The following DRAXIN variants were observed in gnomAD, a reference collection of about 807,000 sequenced individuals.
The protein encoded by DRAXIN is dorsal inhibitory axon guidance protein.
DRAXIN carries 27 observed loss-of-function variants against 33.9 expected under a neutral mutation model. The observed-to-expected ratio is 0.80, with a 90% CI of 0.59 to 1.10. The LOEUF is 1.10. DRAXIN is among the 50% of genes least tolerant of loss of function. DRAXIN has a pLI of 0.00. For missense variants in DRAXIN, 371 were observed against 460.8 expected (o/e 0.81, Z 1.78); for synonymous variants, 178 against 194.0 (o/e 0.92, Z 0.69).
intron 1 of DRAXIN, among the ~76,000 whole-genome samples, chr1:11,699,087 AACAG>A (rs1340335594): frequency 6.6e-6 from 1 of 152,168 alleles, no homozygotes; most frequent in African/African-American, 2.4e-5. Context: ...CTGACAGTTG[AACAG>A]ACAGACAGAT....
At chr1:11,709,183 C>T (rs1641435979) in intron 2 of DRAXIN, 92 bp from the exon 3 acceptor site, 13 of 1,320,024 alleles carry the variant, frequency 9.8e-6, no homozygotes, top group Admixed American at 5.5e-5. Flanking sequence ...CCTGCTGCCT[C>T]CTAGTTTGCA....
At chr1:11,702,795 T>C (rs1570310736) in intron 1 of DRAXIN, among the ~76,000 whole-genome samples, 1 of 150,786 alleles carries the variant, frequency 6.6e-6, no homozygotes, top group Middle Eastern at 3.4e-3. Context: ...CAGGTTGGAG[T>C]GCAGAGGCAC....
intron 1 of DRAXIN, among the ~76,000 whole-genome samples, chr1:11,701,991 G>A (rs1170556240): frequency 6.6e-6 from 1 of 151,888 alleles, no homozygotes; most frequent in African/African-American, 2.4e-5. Context: ...TCTTCCCCCA[G>A]CCCCTCCTCC....
At chr1:11,687,458 TC>T (rs1640979404), upstream of DRAXIN, among the ~76,000 whole-genome samples, 1 of 152,216 alleles carries the variant, frequency 6.6e-6, no homozygotes, top group African/African-American at 2.4e-5. The surrounding 1 kb of genome is among the most constrained non-coding windows in gnomAD (Gnocchi z 4.1). Context: ...CAGGCTGGTC[TC>T]GAACTCCTGA....
chr1:11,700,566 A>G (rs1033886999), intron 1 of DRAXIN, among the ~76,000 whole-genome samples: 1 of 152,264 alleles, frequency 6.6e-6, no homozygotes, highest in Non-Finnish European at 1.5e-5. Context: ...AAATAATTTT[A>G]AAAATATATT....
rs1475623291 is a variant in DRAXIN, at chr1:11,701,712, GC to G, written c.-10-4535del. 1.1e-4 allele frequency among the ~76,000 whole-genome samples: 17 copies of G among 152,240 alleles called. No individual in the cohort carries two copies. The South Asian group carries it at 3.5e-3, about 32-fold the overall frequency. ...AGCGCAGGCTTTGTGAGCAACCCGGGCCGGGCAGAACCGCCCCGGGCTGCGG... is the reference window on the plus strand; with the variant it reads ...AGCGCAGGCTTTGTGAGCAACCCGGGCGGGCAGAACCGCCCCGGGCTGCGG... On this transcript the variant is annotated intron_variant, in intron 1 of 6. Transcript: ENST00000294485.
At position 11,715,182 on chromosome 1, in the gene DRAXIN, G is replaced by A. The variant is rs779743814; in HGVS notation, c.911G>A (p.Cys304Tyr). 8 of 1,614,142 alleles carry A rather than the reference G, an allele frequency of 5.0e-6. No individual in the cohort carries two copies. The highest frequency in any genetic ancestry group is 1.7e-5 in the Admixed American group (1 of 60,010). ...CACAACCGAGGCCTCAACAACAAAT[G>A]CTTCGATGACTGCATGTGTGTGGAA... ...TPHNRGLNNKCFDDCMCVEGL... is the reference protein window; with the variant it reads ...TPHNRGLNNKYFDDCMCVEGL... The change falls in exon 6 of 7, where the codon TGC (cysteine) becomes TAC (tyrosine). Residue 304 changes from cysteine (C) to tyrosine (Y), a missense_variant. Physicochemically the swap from Cys to Tyr is radical, Grantham distance 194 (BLOSUM62 -2). Coordinates refer to ENST00000294485, the MANE Select transcript of DRAXIN (RefSeq NM_198545.4).
At chr1:11,690,089 C>G (rs1641033922), upstream of DRAXIN, among the ~76,000 whole-genome samples, 1 of 152,104 alleles carries the variant, frequency 6.6e-6, no homozygotes. The surrounding 1 kb of genome is among the most constrained non-coding windows in gnomAD (Gnocchi z 4.2). Flanking sequence ...TCCCTTCATG[C>G]TTTGTCTGTA....
chr1:11,696,294 C>T lies in DRAXIN; in HGVS notation c.-11+4441C>T, dbSNP rs746528257. Among the ~76,000 whole-genome samples, 3 of 152,184 alleles carry T rather than the reference C, an allele frequency of 2.0e-5. No individual in the cohort carries two copies. Among genetic ancestry groups the T allele is most frequent in the Non-Finnish European group, 4.4e-5 (3 of 68,026 alleles). On this transcript the variant is annotated intron_variant, in intron 1 of 6. Transcript: ENST00000294485. This position sits in a 1 kb window ranked among gnomAD's most constrained non-coding sequence, Gnocchi z 4.7. ...TTCTGTGTCCCATTTACTTTATAAA[C>T]ATTTACTCCCCAGCCGGGTGCGGTG... is the stretch of plus-strand genomic sequence containing the variant.
intron 1 of DRAXIN, among the ~76,000 whole-genome samples, chr1:11,702,747 C>CTT (rs33972819): frequency 0.35 from 51,585 of 145,414 alleles, 9,298 homozygotes; most frequent in Admixed American, 0.44. Context: ...GGTATGAATT[C>CTT]TTTTTTTTTT....
At chr1:11,709,074 G>A (rs1468998195) in intron 2 of DRAXIN, among the ~76,000 whole-genome samples, 1 of 152,236 alleles carries the variant, frequency 6.6e-6, no homozygotes, top group Non-Finnish European at 1.5e-5. Context: ...GACACTGCAA[G>A]TTCTTCCAAG....
In DRAXIN at chr1:11,696,158, C is replaced by A. The variant is rs1641189410; in HGVS notation, c.-11+4305C>A. Among the ~76,000 whole-genome samples the A allele has an allele frequency of 6.6e-6, 1 of 152,318 alleles. No homozygotes were observed. The highest frequency in any genetic ancestry group is 1.9e-4 in the East Asian group (1 of 5,184). Reference sequence around the variant, plus strand: ...GCCTGCCCCTTTGCACACCCAGGCACAGATGCACAAATGCTTCCAGGAAAC... The same window carrying A: ...GCCTGCCCCTTTGCACACCCAGGCAAAGATGCACAAATGCTTCCAGGAAAC... On this transcript the variant is annotated intron_variant, in intron 1 of 6. Coordinates refer to ENST00000294485, the MANE Select transcript of DRAXIN (RefSeq NM_198545.4). This position sits in a 1 kb window ranked among gnomAD's most constrained non-coding sequence, Gnocchi z 4.7.
intron 6 of DRAXIN, among the ~76,000 whole-genome samples, chr1:11,717,734 C>G (rs1486176323): frequency 1.3e-5 from 2 of 149,336 alleles, no homozygotes; most frequent in East Asian, 3.9e-4. Context: ...CCTGTAATCC[C>G]AGCATTTTGG....
In DRAXIN at chr1:11,722,035, T is replaced by C. The variant is rs41275450; in HGVS notation, c.*2339T>C. 0.24 allele frequency: 36,099 copies of C among 152,108 alleles called. 4,331 individuals carry two copies. The highest frequency in any genetic ancestry group is 0.32 in the East Asian group (1,649 of 5,166). The allele number at this position is 152,108 out of a possible 1,614,324, so 9.4% of individuals were successfully genotyped here. ...TACTCAGGAGGCTCAGGCGGGAGAA[T>C]CACTTGAACCCAGGAGGCGGAGGTT... On this transcript the variant is annotated 3_prime_UTR_variant, in exon 7 of 7. Transcript: ENST00000294485.
At chr1:11,691,385 G>A (rs991531311), upstream of DRAXIN, 10 of 151,876 alleles carry the variant, frequency 6.6e-5, no homozygotes, top group Non-Finnish European at 1.5e-4. Context: ...CACGCGCCCT[G>A]GGCCGCGCCG....
At chr1:11,686,807 TAAAAAA>T (rs560855200), upstream of DRAXIN, among the ~76,000 whole-genome samples, 2 of 104,490 alleles carry the variant, frequency 1.9e-5, no homozygotes, top group African/African-American at 3.4e-5. Context: ...ACTGCCACTT[TAAAAAA>T]AAAAAAAAAA....
At chr1:11,690,940 GTGTGTGTT>G (rs992074642), upstream of DRAXIN, among the ~76,000 whole-genome samples, 5 of 152,092 alleles carry the variant, frequency 3.3e-5, no homozygotes, top group Admixed American at 2.6e-4. The surrounding 1 kb of genome is among the most constrained non-coding windows in gnomAD (Gnocchi z 4.2). Flanking sequence ...GTGTGTGTGT[GTGTGTGTT>G]TGTGTGTGTG....
rs1488690299 is a variant in DRAXIN at position 11,692,203 on chromosome 1, C to G, written c.-11+350C>G. On this transcript the variant is annotated intron_variant, in intron 1 of 6. Transcript: ENST00000294485. The surrounding 1 kb of genome is among the most constrained non-coding windows in gnomAD (Gnocchi z 5.8). ...TCGCACCTACTCTCCTCGGCACTAG[C>G]CTTCTCTCTCCCTGACCCAGTCTCC... Among the ~76,000 whole-genome samples the G allele has an allele frequency of 6.6e-6, 1 of 152,214 alleles. No individual in the cohort carries two copies. Among genetic ancestry groups the G allele is most frequent in the Admixed American group, 6.5e-5 (1 of 15,294 alleles).
Position 11,719,836 on chromosome 1 carries a change from G to A in DRAXIN, c.*140G>A. The A allele has an allele frequency of 1.3e-6, 1 of 796,252 alleles. No homozygotes were observed. The highest frequency in any genetic ancestry group is 2.0e-6 in the Non-Finnish European group (1 of 490,756). 49.3% of individuals were successfully genotyped at this position (796,252 alleles called of 1,614,324 possible). On this transcript the variant is annotated 3_prime_UTR_variant, in exon 7 of 7. Coordinates refer to ENST00000294485, the MANE Select transcript of DRAXIN (RefSeq NM_198545.4). ...GGCCCAGGACACTCAACCCCAGGAG[G>A]GGAGCCGCTCGGCGAATGAGCTGGG...
Sources: gnomAD v4.1 joint callset for allele counts (sites outside exome capture counted in the v4.1 genomes callset) on GRCh38, gnomAD v4.1.1 for gene constraint, Gnocchi (gnomAD v3.1) non-coding constraint, MANE v1.5 for transcripts, NCBI Gene and HGNC (gene_info 2026-07-23, HGNC 2026-07-21) for gene names.